Variants in MUC4 observed in about 807,000 individuals in gnomAD.
The protein encoded by MUC4 is mucin 4, cell surface associated, also known as mucin-4.
A neutral mutation model predicts 257.9 loss-of-function variants in MUC4; 202 were observed. The ratio of observed to expected loss-of-function variants is 0.78; its 90% confidence interval spans 0.70 to 0.88. The LOEUF (loss-of-function observed/expected upper bound fraction) is 0.88. Ranked by LOEUF, MUC4 falls within the 40% of genes least tolerant of loss-of-function variation. The probability of loss-of-function intolerance (pLI) is 0.00; values close to 1 mark genes in which losing one functional copy is unlikely to be tolerated. For synonymous variants in MUC4, 2,351 were observed against 2,757.1 expected (o/e 0.85, Z 4.62); for missense variants, 5,976 against 6,513.7 (o/e 0.92, Z 2.84).
intron 23 of MUC4, among the ~76,000 whole-genome samples, chr3:195,749,315 G>A (rs546387285): frequency 3.5e-5 from 2 of 57,672 alleles, no homozygotes; most frequent in East Asian, 2.2e-4. Flanking sequence ...GTTTCCTAGG[G>A]AAAAAGGTTC....
Position 195,789,530 on chromosome 3 carries a change from G to C in MUC4, c.2050C>G (p.Gln684Glu). 6.2e-7 allele frequency: 1 copy of C among 1,613,924 alleles called. No homozygotes were observed. The highest frequency in any genetic ancestry group is 8.5e-7 in the Non-Finnish European group (1 of 1,179,864). ...GCTGCACTTATGGTGGGTGCGTCCT[G>C]AGGAACAATTTCTGAGGGCGAGTGC... ...SGHSPSEIVP[Q>E]DAPTISAATT... Residue 684 changes from glutamine to glutamate, a missense_variant, in exon 2 of 25, where the codon CAG becomes GAG. Physicochemically the swap from Gln to Glu is conservative, Grantham distance 29 (BLOSUM62 2). Around this residue, in one of 44 missense-constraint regions of MUC4, gnomAD observed 1,583 missense variants for 1,257.4 expected, o/e 1.26. Coordinates refer to ENST00000463781, the MANE Select transcript of MUC4 (RefSeq NM_018406.7).
rs941416483 is a variant in MUC4 at position 195,757,920 on chromosome 3, C to G, written c.14987-592G>C. Reference sequence around the variant, plus strand: ...AGAATAGACGAACGTAATTTCCAGACCATCGTCCTTCAGGGGTGGGGCCCG... The same window carrying G: ...AGAATAGACGAACGTAATTTCCAGAGCATCGTCCTTCAGGGGTGGGGCCCG... On this transcript the variant is annotated intron_variant, in intron 17 of 24. Transcript: ENST00000463781. The surrounding 1 kb of genome is among the most constrained non-coding windows in gnomAD (Gnocchi z 4.8). 6.6e-6 allele frequency among the ~76,000 whole-genome samples: 1 copy of G among 152,196 alleles called. No homozygotes were observed. Among genetic ancestry groups the G allele is most frequent in the African/African-American group, 2.4e-5 (1 of 41,456 alleles).
intron 14 of MUC4, 28 bp from the exon 15 acceptor site, chr3:195,761,613 C>A (rs1478967992): frequency 1.3e-6 from 2 of 1,562,072 alleles, no homozygotes; most frequent in Non-Finnish European, 1.8e-6. Context: ...AGGTTGGCCA[C>A]CCTGGGCACG....
In MUC4 at chr3:195,791,273, A is replaced by T; in HGVS notation, c.307T>A (p.Ser103Thr). The T allele has an allele frequency of 1.2e-5, 17 of 1,372,870 alleles. No homozygotes were observed. The highest frequency in any genetic ancestry group is 1.7e-5 in the Non-Finnish European group (17 of 993,516). 85.0% of individuals were successfully genotyped at this position (1,372,870 alleles called of 1,614,324 possible). A position where few individuals can be genotyped will look rare whatever the true frequency, so the allele number is the denominator to read the frequency against. ...ATCACATTGTGTACACTTGGGGAAG[A>T]AAAAAGAGTTGATGTCATCATCTGC... ...LTQMMTSTLFSSPSVHNVMET... is the reference protein window; with the variant it reads ...LTQMMTSTLFTSPSVHNVMET... The change falls in exon 2 of 25, where the codon TCT becomes ACT. Residue 103 changes from serine (S) to threonine (T), a missense_variant. Physicochemically the swap from Ser to Thr is moderately conservative, Grantham distance 58. This residue lies in a region of MUC4 where 1,583 missense variants were observed against 1,257.4 expected (regional missense o/e 1.26). Coordinates refer to ENST00000463781, the MANE Select transcript of MUC4 (RefSeq NM_018406.7).
rs1334462678 is a variant in MUC4 at position 195,750,871 on chromosome 3, C to CG, written c.15871+17dup. 6.2e-7 allele frequency: 1 copy of CG among 1,611,222 alleles called. No homozygotes were observed. The highest frequency in any genetic ancestry group is 8.5e-7 in the Non-Finnish European group (1 of 1,178,956). ...CCCGCAGTGACCCCCATAGTGTCCC[C>CG]GGAATGGACGGACTCACGGGCTGTC... On this transcript the variant is annotated intron_variant, in intron 23 of 24. Coordinates refer to ENST00000463781, the MANE Select transcript of MUC4 (RefSeq NM_018406.7).
chr3:195,789,230 G>T lies in MUC4; in HGVS notation c.2350C>A (p.Gln784Lys). Residue 784 changes from glutamine to lysine, a missense_variant, in exon 2 of 25, where the codon CAA becomes AAA. Gln to Lys is a moderately conservative substitution (Grantham distance 53, BLOSUM62 1). Around this residue, in one of 44 missense-constraint regions of MUC4, gnomAD observed 1,583 missense variants for 1,257.4 expected, o/e 1.26. Transcript: ENST00000463781. ...GAGGCCGGTTCGCTGGTCTGTGTTT[G>T]TCCAGAGGCCTCTGTGCTCTCAGCC... ...HQAESTEASG[Q>K]TQTSEPASSG... 1 of 1,613,886 alleles carries T rather than the reference G, an allele frequency of 6.2e-7. No homozygotes were observed. Among genetic ancestry groups the T allele is most frequent in the Non-Finnish European group, 8.5e-7 (1 of 1,179,858 alleles).
At chr3:195,806,327 G>A (rs988232444) in intron 1 of MUC4, among the ~76,000 whole-genome samples, 7 of 152,130 alleles carry the variant, frequency 4.6e-5, no homozygotes, top group Admixed American at 1.3e-4. Flanking sequence ...CCGCAGAACG[G>A]TTCCTCACAG....
In MUC4 at chr3:195,788,797, G is replaced by T; in HGVS notation, c.2783C>A (p.Ala928Glu). 1 of 1,613,942 alleles carries T rather than the reference G, an allele frequency of 6.2e-7. No homozygotes were observed. Among genetic ancestry groups the T allele is most frequent in the Non-Finnish European group, 8.5e-7 (1 of 1,179,844 alleles). ...TGGGACTGTTGAGAAGGTGTCGGTT[G>T]CCTGGGACGCCAGGCTGATAGTGTC... The part of the protein sequence containing the change: ...GSDTISLASQ[A>E]TDTFSTVPPT... The change falls in exon 2 of 25, where the codon GCA becomes GAA. Residue 928 changes from alanine (A) to glutamate (E), a missense_variant. By Grantham distance (107) the Ala-to-Glu change is moderately radical. Transcript: ENST00000463781.
intron 10 of MUC4, among the ~76,000 whole-genome samples, chr3:195,764,787 G>A (rs1202840126): frequency 6.6e-6 from 1 of 152,166 alleles, no homozygotes; most frequent in Admixed American, 6.5e-5. Context: ...GGGATGTGGA[G>A]CCAGGTATAG....
intron 12 of MUC4, 89 bp from the exon 13 acceptor site, chr3:195,763,034 G>T: frequency 1.8e-6 from 2 of 1,124,794 alleles, no homozygotes; most frequent in Non-Finnish European, 2.6e-6. Flanking sequence ...GGGGCTGGAA[G>T]CTGCGCCCTG....
At position 195,762,205 on chromosome 3, in the gene MUC4, A is replaced by C; in HGVS notation, c.14394T>G (p.Ser4798=). Residue 4798 remains serine (S), a synonymous_variant, in exon 14 of 25, where the codon TCT becomes TCG. Coordinates refer to ENST00000463781, the MANE Select transcript of MUC4 (RefSeq NM_018406.7). ...AGCCGTCGAAGCTGGCCGAGACCTCAGAGCCGTTGCGGCTCAGGAGGACTC... is the reference window on the plus strand; with the variant it reads ...AGCCGTCGAAGCTGGCCGAGACCTCCGAGCCGTTGCGGCTCAGGAGGACTC... ...ATGVLLSRNG[S]EVSASFDGWA... The C allele has an allele frequency of 3.8e-6, 6 of 1,598,892 alleles. No homozygotes were observed. The highest frequency in any genetic ancestry group is 5.1e-6 in the Non-Finnish European group (6 of 1,172,990).
rs756574492 is a variant in MUC4, at chr3:195,789,032, C to T, written c.2548G>A (p.Ala850Thr). The change falls in exon 2 of 25, where the codon GCC becomes ACC. Residue 850 changes from alanine to threonine, a missense_variant. Ala to Thr is a moderately conservative substitution (Grantham distance 58). Transcript: ENST00000463781. ...TTQSTTELLS[A>T]SASHGAIPVS... The stretch of plus-strand genomic sequence containing the variant: ...GGGATGGCACCATGACTGGCTGAGG[C>T]GGACAGCAATTCGGTTGTTGACTGG... 10 of 1,613,772 alleles carry T rather than the reference C, an allele frequency of 6.2e-6. No individual in the cohort carries two copies. Among genetic ancestry groups the T allele is most frequent in the East Asian group, 4.5e-5 (2 of 44,890 alleles).
intron 3 of MUC4, among the ~76,000 whole-genome samples, chr3:195,775,298 T>A (rs114220016): frequency 0.023 from 3,357 of 143,226 alleles, 91 homozygotes; most frequent in Non-Finnish European, 0.035. Flanking sequence ...ACCCTTCTTC[T>A]CATTTTCAGC....
chr3:195,774,259 G>A lies in MUC4; in HGVS notation c.12990C>T (p.Phe4330=), dbSNP rs767808187. The change falls in exon 4 of 25, where the codon TTC becomes TTT. Residue 4330 remains phenylalanine (F), a synonymous_variant. Coordinates refer to ENST00000463781, the MANE Select transcript of MUC4 (RefSeq NM_018406.7). ...AGGTGAAGTCCACGGTCCTCCTGACGAACTCCAGGTCCCCGGCGCCTGCCC... is the reference window on the plus strand; with the variant it reads ...AGGTGAAGTCCACGGTCCTCCTGACAAACTCCAGGTCCCCGGCGCCTGCCC... ...PYGAGAGDLE[F]VRRTVDFTSP... is the part of the protein sequence containing the mutation. 5.8e-5 allele frequency: 93 copies of A among 1,599,466 alleles called. No individual in the cohort carries two copies. Among genetic ancestry groups the A allele is most frequent in the Non-Finnish European group, 7.1e-5 (83 of 1,174,024 alleles).
At position 195,757,201 on chromosome 3, in the gene MUC4, T is replaced by C. The variant is rs1176502494; in HGVS notation, c.15114A>G (p.Ala5038=). ...QPRTVVCHCN[A]ESQCLYNQTS... is the part of the protein sequence containing the mutation. ...TCTGATTGTACAAACACTGGCTCTC[T>C]GCATTGCAATGGCAGACCACAGTCC... The change falls in exon 18 of 25, where the codon GCA becomes GCG. Residue 5038 remains alanine, a synonymous_variant. Transcript: ENST00000463781. This position sits in a 1 kb window ranked among gnomAD's most constrained non-coding sequence, Gnocchi z 4.8. 5.0e-6 allele frequency: 8 copies of C among 1,612,784 alleles called. No homozygotes were observed. Among genetic ancestry groups the C allele is most frequent in the African/African-American group, 4.0e-5 (3 of 74,906 alleles).
chr3:195,753,883 T>A (rs572001894), intron 19 of MUC4: 1 of 311,308 alleles, frequency 3.2e-6, no homozygotes, highest in Admixed American at 5.1e-5. Flanking sequence ...GCTGCTGAAG[T>A]CTCCTCCCCA....
rs777306077 is a variant in MUC4, at chr3:195,781,903, G to C, written c.9677C>G (p.Ser3226Cys). 10 of 475,674 alleles carry C rather than the reference G, an allele frequency of 2.1e-5. No homozygotes were observed. In the African/African-American group the frequency reaches 2.9e-4, roughly 14 times the overall value. 29.5% of individuals were successfully genotyped at this position (475,674 alleles called of 1,614,324 possible). ...PLPVTSLSSVSTGDTTPLPVT... is the reference protein window; with the variant it reads ...PLPVTSLSSVCTGDTTPLPVT... ...AGGAAGAGGCGTGGTGTCACCTGTG[G>C]ATACTGAGGAAAGGCTGGTGACAGG... Residue 3226 changes from serine (S) to cysteine (C), a missense_variant, in exon 2 of 25, where the codon TCC (serine) becomes TGC (cysteine). Ser to Cys is a moderately radical substitution (Grantham distance 112, BLOSUM62 -1). This residue lies in a region of MUC4 where 28 missense variants were observed against 79.1 expected (regional missense o/e 0.35). Transcript: ENST00000463781.
rs1372102892 is a variant in MUC4 at position 195,755,943 on chromosome 3, G to A, written c.15168+1204C>T. On this transcript the variant is annotated intron_variant, in intron 18 of 24. Coordinates refer to ENST00000463781, the MANE Select transcript of MUC4 (RefSeq NM_018406.7). The surrounding 1 kb of genome is among the most constrained non-coding windows in gnomAD (Gnocchi z 5.0). Reference sequence around the variant, plus strand: ...TTGCCAGATAAACACTTTCCTTTCTGGCTCTTCCTTTACAACCAAAAATAA... The same window carrying A: ...TTGCCAGATAAACACTTTCCTTTCTAGCTCTTCCTTTACAACCAAAAATAA... 6.6e-6 allele frequency among the ~76,000 whole-genome samples: 1 copy of A among 151,928 alleles called. No homozygotes were observed. Among genetic ancestry groups the A allele is most frequent in the African/African-American group, 2.4e-5 (1 of 41,330 alleles).
intron 18 of MUC4, among the ~76,000 whole-genome samples, chr3:195,754,911 G>GCA (rs1560227421): frequency 3.3e-5 from 1 of 30,622 alleles, no homozygotes; most frequent in Non-Finnish European, 6.8e-5. Context: ...GTATGTGTGT[G>GCA]TCATGCATGT....
Sources: gnomAD v4.1 joint callset for allele counts (sites outside exome capture counted in the v4.1 genomes callset) on GRCh38, gnomAD v4.1.1 for gene constraint, gnomAD v4.1.1 regional missense constraint, Gnocchi (gnomAD v3.1) non-coding constraint, MANE v1.5 for transcripts, NCBI Gene and HGNC (gene_info 2026-07-23, HGNC 2026-07-21) for gene names.